MBD5: variants seen among roughly 807,000 people sequenced by gnomAD.
MBD5 encodes the protein methyl-CpG binding domain protein 5, also known as methyl-CpG-binding domain protein 5.
MBD5 carries 13 observed loss-of-function variants against 117.3 expected under a neutral mutation model. That is an observed-to-expected ratio of 0.11 (90% CI 0.07 to 0.18). MBD5 has a LOEUF of 0.18. MBD5 is among the 10% of genes least tolerant of loss of function. MBD5 has a pLI of 1.00. For missense variants in MBD5, 1,879 were observed against 2,093.8 expected (o/e 0.90, Z 2.00); for synonymous variants, 727 against 766.4 (o/e 0.95, Z 0.85).
At chr2:148,503,911 T>C (rs1247628716) in intron 12 of MBD5, among the ~76,000 whole-genome samples, 1 of 152,242 alleles carries the variant, frequency 6.6e-6, no homozygotes, top group Non-Finnish European at 1.5e-5. Context: ...CCCATTTCTT[T>C]GGTGTAAAGG....
At chr2:148,360,282 C>G (rs1401644128) in intron 4 of MBD5, among the ~76,000 whole-genome samples, 1 of 152,098 alleles carries the variant, frequency 6.6e-6, no homozygotes, top group African/African-American at 2.4e-5. Context: ...CTAACTACTG[C>G]TGGATTTTTC....
chr2:148,426,179 G>A (rs909534197), intron 4 of MBD5, among the ~76,000 whole-genome samples: 47 of 152,236 alleles, frequency 3.1e-4, no homozygotes, highest in South Asian at 1.9e-3. Flanking sequence ...AGAACATTCC[G>A]TGCTCATGGG....
intron 3 of MBD5, among the ~76,000 whole-genome samples, chr2:148,300,722 G>A (rs1020152388): frequency 2.6e-5 from 4 of 152,080 alleles, no homozygotes; most frequent in African/African-American, 9.7e-5. Flanking sequence ...GTTACACATT[G>A]GGCATGAGTC....
rs751251720 is a variant in MBD5 at position 148,468,652 on chromosome 2, A to G, written c.709A>G (p.Ile237Val). ...TTCCCAGATATATGGAGATGGTTCA[A>G]TCTCTCCAAGGACTGACCCACTTGG... ...SGSQIYGDGS[I>V]SPRTDPLGSP... Residue 237 changes from isoleucine (I) to valine (V), a missense_variant, in exon 8 of 14, where the codon ATC becomes GTC. By Grantham distance (29) the Ile-to-Val change is conservative (BLOSUM62 3). Transcript: ENST00000642680. 122 of 1,613,860 alleles carry G rather than the reference A, an allele frequency of 7.6e-5. No homozygotes were observed. Among genetic ancestry groups the G allele is most frequent in the East Asian group, 4.9e-4 (22 of 44,866 alleles).
intron 1 of MBD5, among the ~76,000 whole-genome samples, chr2:148,142,221 G>A (rs898093566): frequency 1.3e-5 from 2 of 152,076 alleles, no homozygotes; most frequent in Non-Finnish European, 2.9e-5. Context: ...AGAACTGAAG[G>A]ATATGAGTCT....
intron 4 of MBD5, among the ~76,000 whole-genome samples, chr2:148,425,712 G>A (rs1705758600): frequency 6.6e-6 from 1 of 152,152 alleles, no homozygotes; most frequent in Non-Finnish European, 1.5e-5. Context: ...TTCATCGCAG[G>A]GATGCAAGGC....
chr2:148,398,124 G>C (rs1230523981), intron 4 of MBD5, among the ~76,000 whole-genome samples: 1 of 152,184 alleles, frequency 6.6e-6, no homozygotes, highest in Non-Finnish European at 1.5e-5. Context: ...ACGTGTGCAT[G>C]TGTCTTTATA....
chr2:148,171,863 C>T (rs573359572), intron 1 of MBD5, among the ~76,000 whole-genome samples: 3 of 152,344 alleles, frequency 2.0e-5, no homozygotes, highest in African/African-American at 7.2e-5. Context: ...CATTTACAAT[C>T]GCTACAAACA....
At chr2:148,239,387 A>T (rs1700161267) in intron 3 of MBD5, among the ~76,000 whole-genome samples, 1 of 152,162 alleles carries the variant, frequency 6.6e-6, no homozygotes, top group Non-Finnish European at 1.5e-5. Flanking sequence ...CAGATTCAAG[A>T]TCACAGGATA....
intron 4 of MBD5, among the ~76,000 whole-genome samples, chr2:148,383,704 A>G (rs1704237139): frequency 1.3e-5 from 2 of 152,180 alleles, no homozygotes; most frequent in Admixed American, 1.3e-4. Flanking sequence ...TGATGCAAAA[A>G]TCTTCAATAA....
chr2:148,434,831 C>G (rs1395588154), intron 4 of MBD5, among the ~76,000 whole-genome samples: 2 of 152,086 alleles, frequency 1.3e-5, no homozygotes, highest in African/African-American at 2.4e-5. Flanking sequence ...CCTTGATGAT[C>G]TGTCTAATAC....
intron 1 of MBD5, among the ~76,000 whole-genome samples, chr2:148,074,087 A>G (rs1396698218): frequency 6.6e-6 from 1 of 152,092 alleles, no homozygotes; most frequent in African/African-American, 2.4e-5. Flanking sequence ...TATTTTGTAA[A>G]CAATAAGTAA....
intron 4 of MBD5, among the ~76,000 whole-genome samples, chr2:148,413,482 A>T (rs1391273924): frequency 6.7e-6 from 1 of 148,864 alleles, no homozygotes; most frequent in Non-Finnish European, 1.5e-5. Context: ...TCATAGAGTG[A>T]ATTAGGGAAG....
intron 4 of MBD5, among the ~76,000 whole-genome samples, chr2:148,397,637 A>G (rs963106661): frequency 4.6e-5 from 7 of 151,360 alleles, no homozygotes; most frequent in East Asian, 1.9e-4. Flanking sequence ...CCTGATCCTT[A>G]TATTTTATTT....
At chr2:148,058,163 C>T (rs1694923167) in intron 1 of MBD5, among the ~76,000 whole-genome samples, 1 of 151,954 alleles carries the variant, frequency 6.6e-6, no homozygotes, top group Non-Finnish European at 1.5e-5. Flanking sequence ...TTTCCCCTTG[C>T]CCTTACTTTC....
chr2:148,202,254 G>A (rs1574130728), intron 2 of MBD5, among the ~76,000 whole-genome samples: 1 of 152,170 alleles, frequency 6.6e-6, no homozygotes, highest in Admixed American at 6.5e-5. Context: ...ATAAAGCATG[G>A]TAAATAGATA....
At chr2:148,276,441 G>A (rs1701116235) in intron 3 of MBD5, among the ~76,000 whole-genome samples, 1 of 151,958 alleles carries the variant, frequency 6.6e-6, no homozygotes, top group South Asian at 2.1e-4. Context: ...TGCCATATTT[G>A]GTTTATCTCT....
chr2:148,337,644 ATCTTT>A (rs1702832201), intron 3 of MBD5, among the ~76,000 whole-genome samples: 1 of 151,750 alleles, frequency 6.6e-6, no homozygotes, highest in Non-Finnish European at 1.5e-5. Context: ...CCCTTTTTAT[ATCTTT>A]AAAATTCTAT....
intron 4 of MBD5, among the ~76,000 whole-genome samples, chr2:148,374,643 C>T (rs1703946709): frequency 6.6e-6 from 1 of 152,176 alleles, no homozygotes; most frequent in Non-Finnish European, 1.5e-5. Flanking sequence ...GACCCATATG[C>T]TCCTTCACCC....
Sources: gnomAD v4.1 joint callset for allele counts (sites outside exome capture counted in the v4.1 genomes callset) on GRCh38, gnomAD v4.1.1 for gene constraint, MANE v1.5 for transcripts, NCBI Gene and HGNC (gene_info 2026-07-23, HGNC 2026-07-21) for gene names.